MRAP2: variants seen among roughly 807,000 people sequenced by gnomAD.
MRAP2 encodes the protein melanocortin-2 receptor accessory protein 2.
MRAP2 carries 20 observed loss-of-function variants against 17.4 expected under a neutral mutation model. That is an observed-to-expected ratio of 1.15 (90% CI 0.81 to 1.67). The LOEUF (loss-of-function observed/expected upper bound fraction) is 1.67, where lower values mean the gene tolerates loss of function less well. Among genes scored for constraint, MRAP2 ranks in the 40% most tolerant of loss-of-function variants. The pLI is 0.00. For synonymous variants in MRAP2, 96 were observed against 88.4 expected, an observed-to-expected ratio of 1.09 and a Z score of -0.48; for missense variants, 238 against 240.0, an observed-to-expected ratio of 0.99 and a Z score of 0.05.
At chr6:84,094,419 A>G (rs986791120), downstream of MRAP2, among the ~76,000 whole-genome samples, 9 of 152,210 alleles carry the variant, frequency 5.9e-5, no homozygotes, top group East Asian at 1.7e-3. Context: ...CTTGCATTTT[A>G]CTATCAGTAG....
the MRAP2 span, among the ~76,000 whole-genome samples, chr6:84,097,806 A>G: frequency 3.3e-5 from 5 of 152,182 alleles, no homozygotes; most frequent in Admixed American, 1.3e-4. Flanking sequence ...CAGACATTGT[A>G]TATGAAAAAT....
intron 2 of MRAP2, among the ~76,000 whole-genome samples, chr6:84,060,778 C>T (rs1321745395): frequency 7.3e-5 from 11 of 151,526 alleles, no homozygotes; most frequent in African/African-American, 2.2e-4. Context: ...CTCCACCTGC[C>T]GGGTTCACGC....
intron 3 of MRAP2, among the ~76,000 whole-genome samples, chr6:84,077,655 T>C (rs1226821522): frequency 6.6e-6 from 1 of 152,230 alleles, no homozygotes; most frequent in African/African-American, 2.4e-5. Flanking sequence ...TTCTATTTTT[T>C]TGATGTTATT....
chr6:84,117,642 G>GGCGTGT, the MRAP2 span, among the ~76,000 whole-genome samples: 38 of 140,968 alleles, frequency 2.7e-4, no homozygotes, highest in African/African-American at 1.1e-3. Context: ...TTGGATGTGG[G>GGCGTGT]GTGTGTGTCT....
intron 3 of MRAP2, among the ~76,000 whole-genome samples, chr6:84,079,195 T>A (rs1010427485): frequency 6.6e-6 from 1 of 152,182 alleles, no homozygotes; most frequent in African/African-American, 2.4e-5. Context: ...TAGATTGTAG[T>A]ATGTTCATAC....
chr6:84,065,622 T>C (rs1237130163), intron 3 of MRAP2, among the ~76,000 whole-genome samples: 2 of 152,160 alleles, frequency 1.3e-5, no homozygotes, highest in Admixed American at 1.3e-4. Context: ...TTGTGGGTTA[T>C]TGAGATAGAT....
chr6:84,055,536 C>A, intron 2 of MRAP2, 91 bp downstream of exon 2: 1 of 1,330,892 alleles, frequency 7.5e-7, no homozygotes, highest in East Asian at 2.4e-5. Context: ...AGCATTCTTT[C>A]TTCTTTACAG....
At chr6:84,115,229 G>A in the MRAP2 span, among the ~76,000 whole-genome samples, 3 of 152,192 alleles carry the variant, frequency 2.0e-5, no homozygotes, top group African/African-American at 4.8e-5. Context: ...TTATCTATAA[G>A]CCCCTGACTG....
At chr6:84,132,218 G>C in the MRAP2 span, among the ~76,000 whole-genome samples, 1 of 152,356 alleles carries the variant, frequency 6.6e-6, no homozygotes, top group Admixed American at 6.5e-5. Flanking sequence ...TCTGCTGTTA[G>C]TCTGATGGGC....
intron 1 of MRAP2, among the ~76,000 whole-genome samples, chr6:84,054,351 G>A (rs1038954640): frequency 3.3e-5 from 5 of 152,168 alleles, no homozygotes; most frequent in African/African-American, 1.2e-4. Context: ...TATCCGTGCT[G>A]CGCAGTGCAA....
Position 84,089,221 on chromosome 6 carries a change from A to C in MRAP2, c.358A>C (p.Ile120Leu). The change falls in exon 4 of 4, where the codon ATC (isoleucine) becomes CTC (leucine). Residue 120 changes from isoleucine (I) to leucine (L), a missense_variant. Ile to Leu is a conservative substitution (Grantham distance 5). Coordinates refer to ENST00000257776, the MANE Select transcript of MRAP2 (RefSeq NM_138409.4). ...GTCCAGGTCTCTCTTTCACTGCTAC[A>C]TCAATGAGGTGGAACGCTTGGACAG... ...EESRSLFHCY[I>L]NEVERLDRAK... is the part of the protein sequence containing the mutation. 6.2e-7 allele frequency: 1 copy of C among 1,614,198 alleles called. No individual in the cohort carries two copies. The highest frequency in any genetic ancestry group is 2.2e-5 in the East Asian group (1 of 44,876).
chr6:84,083,712 T>C (rs73752628), intron 3 of MRAP2, among the ~76,000 whole-genome samples: 20,798 of 152,174 alleles, frequency 0.14, 1,453 homozygotes, highest in Middle Eastern at 0.23. Flanking sequence ...AACACGTGGG[T>C]TAGTTACTAT....
intron 1 of MRAP2, chr6:84,035,264 T>G: frequency 4.8e-5 from 9 of 185,878 alleles, no homozygotes; most frequent in South Asian, 1.8e-4. Context: ...TGTGCAGGTA[T>G]GAGAGATGAG....
chr6:84,070,371 G>A (rs564164174), intron 3 of MRAP2, among the ~76,000 whole-genome samples: 4 of 152,248 alleles, frequency 2.6e-5, no homozygotes, highest in African/African-American at 9.6e-5. Context: ...TTCAAGAGCA[G>A]GTGATTTAAT....
At chr6:84,127,057 G>C in the MRAP2 span, among the ~76,000 whole-genome samples, 4 of 152,084 alleles carry the variant, frequency 2.6e-5, no homozygotes, top group Non-Finnish European at 4.4e-5. Flanking sequence ...AGCCCTTTCT[G>C]TGTTGACTGC....
chr6:84,072,561 G>T (rs1363878475), intron 3 of MRAP2, among the ~76,000 whole-genome samples: 1 of 152,204 alleles, frequency 6.6e-6, no homozygotes, highest in Non-Finnish European at 1.5e-5. Context: ...CCTCCTGCCG[G>T]GTCATGTTGC....
At chr6:84,136,800 G>T in the MRAP2 span, among the ~76,000 whole-genome samples, 404 of 152,318 alleles carry the variant, frequency 2.7e-3, 2 homozygotes, top group African/African-American at 9.5e-3. Context: ...CACTAGAAGT[G>T]GCTATGTACA....
At chr6:84,039,389 T>C (rs868867874) in intron 1 of MRAP2, among the ~76,000 whole-genome samples, 2 of 152,236 alleles carry the variant, frequency 1.3e-5, no homozygotes, top group South Asian at 2.1e-4. Flanking sequence ...TTTTGCTTCA[T>C]GTCAGGGTAC....
At chr6:84,142,955 A>T in the MRAP2 span, among the ~76,000 whole-genome samples, 1 of 152,134 alleles carries the variant, frequency 6.6e-6, no homozygotes, top group Non-Finnish European at 1.5e-5. Context: ...TTTCATAAGC[A>T]ATCCAAGCAT....
Sources: allele counts gnomAD v4.1 joint callset (sites outside exome capture counted in the v4.1 genomes callset), GRCh38; gene constraint gnomAD v4.1.1; transcripts MANE v1.5; gene names NCBI Gene and HGNC (gene_info 2026-07-23, HGNC 2026-07-21).